The following ZNF460 variants were observed in gnomAD, a reference collection of about 807,000 sequenced individuals.
ZNF460 encodes zinc finger protein 272.
In ZNF460, 1 loss-of-function variant was observed where a neutral mutation model predicts 8.4. The ratio of observed to expected loss-of-function variants is 0.12; its 90% CI spans 0.04 to 0.56. The LOEUF (loss-of-function observed/expected upper bound fraction) is 0.56, where lower values mean the gene tolerates loss of function less well. ZNF460 is among the 20% of genes least tolerant of loss of function. The pLI is 0.91. For missense variants in ZNF460, 477 were observed against 714.8 expected, an observed-to-expected ratio of 0.67 and a Z score of 3.79; for synonymous variants, 262 against 259.9, an observed-to-expected ratio of 1.01 and a Z score of -0.08.
intron 2 of ZNF460, among the ~76,000 whole-genome samples, chr19:57,286,962 C>CAAA (rs35363381): frequency 9.8e-6 from 1 of 102,274 alleles, no homozygotes; most frequent in East Asian, 4.0e-4. Flanking sequence ...GACTCTGTCT[C>CAAA]AAAAAAAAAA....
At chr19:57,289,316 G>C (rs1265995673) in intron 2 of ZNF460, among the ~76,000 whole-genome samples, 1 of 152,108 alleles carries the variant, frequency 6.6e-6, no homozygotes, top group Non-Finnish European at 1.5e-5. Context: ...TTGAGCATCA[G>C]CTTCGTCTCC....
intron 1 of ZNF460, 51 bp from the exon 2 acceptor site, chr19:57,284,500 C>T: frequency 6.3e-7 from 1 of 1,593,434 alleles, no homozygotes; most frequent in East Asian, 2.2e-5. Flanking sequence ...AGGTTCTAAT[C>T]CTATTCCACA....
rs1432073526 is a variant in ZNF460, at chr19:57,293,737, G to A, written c.*1507G>A. 6.6e-6 allele frequency: 1 copy of A among 152,156 alleles called. No individual in the cohort carries two copies. The highest frequency in any genetic ancestry group is 1.5e-5 in the Non-Finnish European group (1 of 68,036). The allele number at this position is 152,156 out of a possible 1,614,324, so 9.4% of individuals were successfully genotyped here. ...AACTTATTCAAATGGAATCTTACTT[G>A]CTGTAATTTTGTATTTGTTAACCAA... On this transcript the variant is annotated 3_prime_UTR_variant, in exon 3 of 3. Transcript: ENST00000360338.
chr19:57,283,550 G>C (rs1190759378), intron 1 of ZNF460, among the ~76,000 whole-genome samples: 3 of 115,020 alleles, frequency 2.6e-5, no homozygotes, highest in Non-Finnish European at 4.9e-5. Context: ...GCTCTGTTCT[G>C]GAGTACAGTG....
At chr19:57,284,699 C>G (rs1222204229) in intron 2 of ZNF460, 22 bp downstream of exon 2, 4 of 1,558,438 alleles carry the variant, frequency 2.6e-6, no homozygotes, top group East Asian at 2.4e-5. Context: ...CCTCTCCTCT[C>G]CAAAATCAGG....
chr19:57,283,890 TAGC>T (rs776531080), intron 1 of ZNF460, among the ~76,000 whole-genome samples: 38 of 152,102 alleles, frequency 2.5e-4, no homozygotes, highest in Non-Finnish European at 4.3e-4. Context: ...CAAGGTCACA[TAGC>T]AGGCACACGT....
intron 2 of ZNF460, 112 bp downstream of exon 2, chr19:57,284,789 T>G: frequency 5.5e-6 from 6 of 1,093,860 alleles, no homozygotes; most frequent in Non-Finnish European, 7.3e-6. Context: ...GAGCCAGCCC[T>G]CCTGTTTCCC....
chr19:57,289,553 GC>G (rs2087901822), intron 2 of ZNF460, among the ~76,000 whole-genome samples: 1 of 152,072 alleles, frequency 6.6e-6, no homozygotes, highest in Non-Finnish European at 1.5e-5. Flanking sequence ...CCCTTCCCTG[GC>G]CTCTTGTAGC....
chr19:57,281,092 T>C (rs367939374), intron 1 of ZNF460, among the ~76,000 whole-genome samples: 2 of 152,230 alleles, frequency 1.3e-5, no homozygotes, highest in African/African-American at 4.8e-5. Context: ...CAACCTTCTC[T>C]GTTGCCTGCC....
In ZNF460 at chr19:57,291,789, A is replaced by G. The variant is rs1037856368; in HGVS notation, c.1248A>G (p.Gly416=). The part of the protein sequence containing the change: ...DLIRHFNIHT[G]EKPYECLQCG... The stretch of plus-strand genomic sequence containing the variant: ...TTCGACACTTCAACATCCACACTGG[A>G]GAGAAGCCCTATGAGTGTTTACAGT... Residue 416 remains glycine (G), a synonymous_variant, in exon 3 of 3, where the codon GGA becomes GGG. Coordinates refer to ENST00000360338, the MANE Select transcript of ZNF460 (RefSeq NM_006635.4). This position sits in a 1 kb window ranked among gnomAD's most constrained non-coding sequence, Gnocchi z 8.4. 6.2e-7 allele frequency: 1 copy of G among 1,614,162 alleles called. No individual in the cohort carries two copies. Among genetic ancestry groups the G allele is most frequent in the Non-Finnish European group, 8.5e-7 (1 of 1,180,032 alleles).
intron 2 of ZNF460, among the ~76,000 whole-genome samples, chr19:57,286,395 T>C (rs1876069385): frequency 6.6e-6 from 1 of 152,230 alleles, no homozygotes; most frequent in Non-Finnish European, 1.5e-5. Context: ...ATAAATGTTA[T>C]GTGTGTTCTG....
At chr19:57,287,082 C>T (rs1008460911) in intron 2 of ZNF460, among the ~76,000 whole-genome samples, 7 of 152,146 alleles carry the variant, frequency 4.6e-5, no homozygotes, top group African/African-American at 1.7e-4. Context: ...TTTATGCCCT[C>T]GATAGCTTCT....
At chr19:57,290,565 A>T in intron 2 of ZNF460, 134 bp from the exon 3 acceptor site, 1 of 903,964 alleles carries the variant, frequency 1.1e-6, no homozygotes, top group Non-Finnish European at 1.6e-6. Flanking sequence ...GGGATGAGCC[A>T]CTGTACCCAG....
chr19:57,282,174 G>A (rs1374256149), intron 1 of ZNF460, among the ~76,000 whole-genome samples: 1 of 152,128 alleles, frequency 6.6e-6, no homozygotes, highest in African/African-American at 2.4e-5. Flanking sequence ...GAGTTCTCAG[G>A]GGACCTGTGT....
intron 1 of ZNF460, among the ~76,000 whole-genome samples, chr19:57,281,378 T>C (rs1178700143): frequency 6.6e-6 from 1 of 151,862 alleles, no homozygotes; most frequent in African/African-American, 2.4e-5. Context: ...TTGCCCAGAG[T>C]CTGGTATTTT....
Position 57,293,420 on chromosome 19 carries a change from G to C in ZNF460, c.*1190G>C, listed in dbSNP as rs1222878429. On this transcript the variant is annotated 3_prime_UTR_variant, in exon 3 of 3. Coordinates refer to ENST00000360338, the MANE Select transcript of ZNF460 (RefSeq NM_006635.4). Reference sequence around the variant, plus strand: ...GCAGGTAGTTGTCACCATGGATTGAGTCCAGTCGTAGTAATTAATATGTTT... The same window carrying C: ...GCAGGTAGTTGTCACCATGGATTGACTCCAGTCGTAGTAATTAATATGTTT... The C allele has an allele frequency of 1.3e-5, 2 of 152,162 alleles. No homozygotes were observed. The highest frequency in any genetic ancestry group is 1.5e-5 in the Non-Finnish European group (1 of 68,038). The allele number at this position is 152,162 out of a possible 1,614,324, so 9.4% of individuals were successfully genotyped here.
intron 1 of ZNF460, among the ~76,000 whole-genome samples, chr19:57,284,061 G>A (rs1375007388): frequency 6.6e-6 from 1 of 152,028 alleles, no homozygotes; most frequent in Non-Finnish European, 1.5e-5. Flanking sequence ...TGCTGGTGGT[G>A]ATGTTTTTAT....
Position 57,280,534 on chromosome 19 carries a change from G to T in ZNF460, c.-273G>T. The T allele has an allele frequency of 1.8e-6, 1 of 543,156 alleles. No homozygotes were observed. The highest frequency in any genetic ancestry group is 3.3e-6 in the Non-Finnish European group (1 of 302,132). 33.6% of individuals were successfully genotyped at this position (543,156 alleles called of 1,614,324 possible). A position where few individuals can be genotyped will look rare whatever the true frequency, so the allele number is the denominator to read the frequency against. On this transcript the variant is annotated 5_prime_UTR_variant, in exon 1 of 3. Transcript: ENST00000360338. ...TGGGTGGGCGCGTTCTGCGGCCTGA[G>T]CAGGGACGGGTAGTGAAGCGGTTAC... is the stretch of plus-strand genomic sequence containing the variant.
chr19:57,280,843 G>A lies in ZNF460; in HGVS notation c.30+7G>A. ...GTGGATGGCTCCGGCGCAGGTGAGT[G>A]GACGAGGTTTCGGCCTTGCTGCTGC... On this transcript the variant is annotated splice_region_variant and intron_variant, in intron 1 of 2. Coordinates refer to ENST00000360338, the MANE Select transcript of ZNF460 (RefSeq NM_006635.4). The A allele has an allele frequency of 6.2e-7, 1 of 1,614,132 alleles. No individual in the cohort carries two copies. The highest frequency in any genetic ancestry group is 2.2e-5 in the East Asian group (1 of 44,884).
Sources: gnomAD v4.1 joint callset for allele counts (sites outside exome capture counted in the v4.1 genomes callset) on GRCh38, gnomAD v4.1.1 for gene constraint, Gnocchi (gnomAD v3.1) non-coding constraint, MANE v1.5 for transcripts, NCBI Gene and HGNC (gene_info 2026-07-23, HGNC 2026-07-21) for gene names.